ARHGAP39: variants seen among roughly 807,000 people sequenced by gnomAD.
ARHGAP39 encodes rho GTPase-activating protein 39.
In ARHGAP39, 44 loss-of-function variants were observed where a neutral mutation model predicts 106.9. The ratio of observed to expected loss-of-function variants is 0.41; its 90% CI spans 0.32 to 0.53. The LOEUF (loss-of-function observed/expected upper bound fraction) is 0.53. ARHGAP39 is among the 20% of genes least tolerant of loss of function. The probability of loss-of-function intolerance (pLI) is 0.21; values close to 1 mark genes in which losing one functional copy is unlikely to be tolerated. For synonymous variants in ARHGAP39, 768 were observed against 693.2 expected, an observed-to-expected ratio of 1.11 and a Z score of -1.69; for missense variants, 1,496 against 1,577.3, an observed-to-expected ratio of 0.95 and a Z score of 0.87.
chr8:144,677,523 C>T (rs545100057), intron 1 of ARHGAP39, among the ~76,000 whole-genome samples: 2 of 152,296 alleles, frequency 1.3e-5, no homozygotes, highest in East Asian at 3.9e-4. Flanking sequence ...GTGCCTATAG[C>T]CTTGCTGGTA....
chr8:144,606,256 T>C (rs1349752560), intron 1 of ARHGAP39, among the ~76,000 whole-genome samples: 1 of 152,174 alleles, frequency 6.6e-6, no homozygotes, highest in Non-Finnish European at 1.5e-5. Context: ...AGGTGTACAG[T>C]CCATCCTTGA....
At chr8:144,555,768 C>A (rs1017438731) in intron 3 of ARHGAP39, 125 bp from the exon 4 acceptor site, 2 of 806,256 alleles carry the variant, frequency 2.5e-6, no homozygotes, top group South Asian at 1.5e-5. Flanking sequence ...GGCTCCTGCC[C>A]CCAGGCTGTA....
rs142704622 is a variant in ARHGAP39, at chr8:144,585,538, C to T, written c.81-4261G>A. 6.6e-6 allele frequency among the ~76,000 whole-genome samples: 1 copy of T among 152,058 alleles called. No homozygotes were observed. The highest frequency in any genetic ancestry group is 2.4e-5 in the African/African-American group (1 of 41,384). On this transcript the variant is annotated intron_variant, in intron 2 of 11. Transcript: ENST00000377307. This position sits in a 1 kb window ranked among gnomAD's most constrained non-coding sequence, Gnocchi z 4.6. ...CCAGGGCAACTCTCCCTGGAGACAA[C>T]CCTTGGCCTCAGCCCATGATACAAA...
rs1027287402 is a variant in ARHGAP39, at chr8:144,591,430, G to A, written c.81-10153C>T. Reference sequence around the variant, plus strand: ...GGGGACCAAAGGTAGCAGGGCCACCGTGAAGGGCCTGAGGCCTGGGCTGAC... The same window carrying A: ...GGGGACCAAAGGTAGCAGGGCCACCATGAAGGGCCTGAGGCCTGGGCTGAC... On this transcript the variant is annotated intron_variant, in intron 2 of 11. Coordinates refer to ENST00000377307, the MANE Select transcript of ARHGAP39 (RefSeq NM_025251.3). The surrounding 1 kb of genome is among the most constrained non-coding windows in gnomAD (Gnocchi z 5.3). Among the ~76,000 whole-genome samples the A allele has an allele frequency of 6.6e-6, 1 of 152,190 alleles. No homozygotes were observed. Among genetic ancestry groups the A allele is most frequent in the Non-Finnish European group, 1.5e-5 (1 of 68,022 alleles).
At chr8:144,659,128 C>A (rs1429494129) in intron 1 of ARHGAP39, among the ~76,000 whole-genome samples, 1 of 152,138 alleles carries the variant, frequency 6.6e-6, no homozygotes, top group Admixed American at 6.5e-5. Flanking sequence ...AAAGACAAAT[C>A]AACTCAGAGT....
At chr8:144,533,362 C>A (rs1816810893) in intron 8 of ARHGAP39, 37 bp from the exon 9 acceptor site, 2 of 1,592,166 alleles carry the variant, frequency 1.3e-6, no homozygotes, top group African/African-American at 2.7e-5. Context: ...TCTGGCCTGG[C>A]CATCCTCAGG....
intron 8 of ARHGAP39, 49 bp from the exon 9 acceptor site, chr8:144,533,374 C>A (rs563324794): frequency 6.4e-6 from 10 of 1,558,076 alleles, no homozygotes; most frequent in East Asian, 4.6e-5. Flanking sequence ...ATCCTCAGGA[C>A]CCCCCGCCAC....
At chr8:144,661,908 C>G (rs532187984) in intron 1 of ARHGAP39, among the ~76,000 whole-genome samples, 275 of 151,252 alleles carry the variant, frequency 1.8e-3, no homozygotes, top group African/African-American at 6.3e-3. Flanking sequence ...ACCCCGCCCC[C>G]CTTTCCGCAT....
Position 144,678,008 on chromosome 8 carries a change from T to G in ARHGAP39, c.-82+7678A>C, listed in dbSNP as rs911795470. 3.2e-4 allele frequency among the ~76,000 whole-genome samples: 48 copies of G among 152,310 alleles called. 1 individual carries two copies. Among genetic ancestry groups the G allele is most frequent in the Middle Eastern group, 3.4e-3 (1 of 294 alleles). On this transcript the variant is annotated intron_variant, in intron 1 of 11. Coordinates refer to ENST00000377307, the MANE Select transcript of ARHGAP39 (RefSeq NM_025251.3). ...AAATGTGTCAACGAGTCCCTCCCCC[T>G]GCTGCGCCAGCCATTCTCTGAGGGC...
chr8:144,672,045 T>A (rs557878284), intron 1 of ARHGAP39, among the ~76,000 whole-genome samples: 2 of 152,226 alleles, frequency 1.3e-5, no homozygotes, highest in African/African-American at 4.8e-5. Flanking sequence ...TTCCGGCACA[T>A]GCTGTAAACG....
chr8:144,673,722 C>T (rs1375563734), intron 1 of ARHGAP39, among the ~76,000 whole-genome samples: 3 of 152,326 alleles, frequency 2.0e-5, no homozygotes, highest in East Asian at 1.9e-4. Flanking sequence ...GGGATTGTTC[C>T]GCCCACTCAG....
chr8:144,557,641 G>C (rs1367478127), intron 3 of ARHGAP39, among the ~76,000 whole-genome samples: 1 of 151,792 alleles, frequency 6.6e-6, no homozygotes, highest in Non-Finnish European at 1.5e-5. Context: ...CAGAGGCAAA[G>C]GCTGAACCTT....
intron 1 of ARHGAP39, among the ~76,000 whole-genome samples, chr8:144,633,138 T>G (rs985985080): frequency 2.1e-5 from 3 of 142,804 alleles, no homozygotes; most frequent in Admixed American, 1.3e-4. Flanking sequence ...CAAGACCCTG[T>G]TTTTTTTTGT....
rs1179533665 is a variant in ARHGAP39 at position 144,646,997 on chromosome 8, T to C, written c.-82+38689A>G. 7.2e-6 allele frequency among the ~76,000 whole-genome samples: 1 copy of C among 139,044 alleles called. No homozygotes were observed. The highest frequency in any genetic ancestry group is 2.2e-4 in the East Asian group (1 of 4,630). 91.2% of individuals were successfully genotyped at this position (139,044 alleles called of 152,430 possible). A position where few individuals can be genotyped will look rare whatever the true frequency, so the allele number is the denominator to read the frequency against. ...TTTTTTTTTTTTTTTTGAGACAGAG[T>C]CTCGCTTTATAGCCAGGCTGGAGTA... On this transcript the variant is annotated intron_variant, in intron 1 of 11. Coordinates refer to ENST00000377307, the MANE Select transcript of ARHGAP39 (RefSeq NM_025251.3). This position sits in a 1 kb window ranked among gnomAD's most constrained non-coding sequence, Gnocchi z 5.7.
At chr8:144,533,890 C>T (rs976944010) in intron 8 of ARHGAP39, among the ~76,000 whole-genome samples, 5 of 152,086 alleles carry the variant, frequency 3.3e-5, no homozygotes, top group African/African-American at 4.8e-5. Flanking sequence ...TGACTGAGCC[C>T]GTTGCCTGCC....
intron 1 of ARHGAP39, among the ~76,000 whole-genome samples, chr8:144,681,057 G>A (rs552817881): frequency 1.1e-4 from 17 of 152,266 alleles, no homozygotes; most frequent in South Asian, 4.1e-4. Flanking sequence ...AGGAGTTGGC[G>A]TGCAGACCAG....
upstream of ARHGAP39, among the ~76,000 whole-genome samples, chr8:144,686,068 AC>A (rs1318651131): frequency 6.6e-6 from 1 of 151,212 alleles, no homozygotes; most frequent in African/African-American, 2.4e-5. Context: ...TCCCGCGCGG[AC>A]CTACCCTGTG....
chr8:144,560,358 C>T (rs1039492109), intron 3 of ARHGAP39, among the ~76,000 whole-genome samples: 3 of 151,872 alleles, frequency 2.0e-5, no homozygotes, highest in African/African-American at 7.3e-5. Context: ...TCGCTTGAAC[C>T]CAAGAGGCAG....
At chr8:144,564,520 C>A (rs1010898324) in intron 3 of ARHGAP39, among the ~76,000 whole-genome samples, 1 of 152,188 alleles carries the variant, frequency 6.6e-6, no homozygotes, top group Non-Finnish European at 1.5e-5. Context: ...TAACCCCAAA[C>A]TGACACAAAT....
Sources: allele counts gnomAD v4.1 joint callset (sites outside exome capture counted in the v4.1 genomes callset), GRCh38; gene constraint gnomAD v4.1.1; non-coding constraint Gnocchi (gnomAD v3.1); transcripts MANE v1.5; gene names NCBI Gene and HGNC (gene_info 2026-07-23, HGNC 2026-07-21).